HOXC5: variants seen among roughly 807,000 people sequenced by gnomAD.
HOXC5 encodes the protein homeobox C5.
In HOXC5, 19 loss-of-function variants were observed where a neutral mutation model predicts 20.1. The ratio of observed to expected loss-of-function variants is 0.94; its 90% CI spans 0.66 to 1.38. HOXC5 has a LOEUF of 1.38. HOXC5 is among the 40% of genes most tolerant of loss of function. HOXC5 has a pLI of 0.00. For synonymous variants in HOXC5, 124 were observed against 117.0 expected, an observed-to-expected ratio of 1.06 and a Z score of -0.39; for missense variants, 330 against 300.1, an observed-to-expected ratio of 1.10 and a Z score of -0.74.
chr12:54,033,392 A>T lies in HOXC5; in HGVS notation c.270A>T (p.Glu90Asp), dbSNP rs944503999. ...CGGGACACGCTCCGGGCAGAGACGA[A>T]GCGGCTCCTCTGAACCCCGGGATGT... ...AAPGHAPGRD[E>D]AAPLNPGMYS... The change falls in exon 1 of 2, where the codon GAA becomes GAT. Residue 90 changes from glutamate (E) to aspartate (D), a missense_variant. Physicochemically the swap from Glu to Asp is conservative, Grantham distance 45 (BLOSUM62 2). Coordinates refer to ENST00000312492, the MANE Select transcript of HOXC5 (RefSeq NM_018953.4). 1 of 1,612,630 alleles carries T rather than the reference A, an allele frequency of 6.2e-7. No individual in the cohort carries two copies. The highest frequency in any genetic ancestry group is 1.7e-5 in the Admixed American group (1 of 59,920).
intron 1 of HOXC5, chr12:54,033,992 A>C (rs1241480701): frequency 5.0e-6 from 3 of 599,528 alleles, no homozygotes; most frequent in Non-Finnish European, 9.6e-6. Flanking sequence ...TCGGATCTCG[A>C]GGGTGCTTAT....
chr12:54,032,596 G>A (rs1941026489), upstream of HOXC5, among the ~76,000 whole-genome samples: 1 of 152,194 alleles, frequency 6.6e-6, no homozygotes, highest in Non-Finnish European at 1.5e-5. Flanking sequence ...TGCGTTATAA[G>A]TGGGGCCTCG....
At position 54,033,393 on chromosome 12, in the gene HOXC5, G is replaced by A; in HGVS notation, c.271G>A (p.Ala91Thr). The A allele has an allele frequency of 6.2e-7, 1 of 1,612,568 alleles. No individual in the cohort carries two copies. The highest frequency in any genetic ancestry group is 1.1e-5 in the South Asian group (1 of 90,996). ...APGHAPGRDE[A>T]APLNPGMYSQ... is the part of the protein sequence containing the mutation. Reference sequence around the variant, plus strand: ...GGGACACGCTCCGGGCAGAGACGAAGCGGCTCCTCTGAACCCCGGGATGTA... The same window carrying A: ...GGGACACGCTCCGGGCAGAGACGAAACGGCTCCTCTGAACCCCGGGATGTA... The change falls in exon 1 of 2, where the codon GCG (alanine) becomes ACG (threonine). Residue 91 changes from alanine (A) to threonine (T), a missense_variant. Transcript: ENST00000312492.
At chr12:54,025,240 CTGA>C in the HOXC5 span, among the ~76,000 whole-genome samples, 1 of 152,106 alleles carries the variant, frequency 6.6e-6, no homozygotes, top group African/African-American at 2.4e-5. Flanking sequence ...CTTGCTTCTG[CTGA>C]TGAGTTTCCA....
At chr12:54,034,254 C>T (rs200056869) in intron 1 of HOXC5, 24 bp from the exon 2 acceptor site, 2 of 1,595,652 alleles carry the variant, frequency 1.3e-6, no homozygotes, top group Admixed American at 1.7e-5. Flanking sequence ...CCCTTCCTGG[C>T]TTGGGGTGGG....
rs1941138185 is a variant in HOXC5 at position 54,034,770 on chromosome 12, G to C, written c.*278G>C. ...CCGCAGGACTTCCCCGGAGGGCTGCGGCGTACAGGCTGGCGCAGAACGAAC... is the reference window on the plus strand; with the variant it reads ...CCGCAGGACTTCCCCGGAGGGCTGCCGCGTACAGGCTGGCGCAGAACGAAC... On this transcript the variant is annotated 3_prime_UTR_variant, in exon 2 of 2. Transcript: ENST00000312492. 4.5e-6 allele frequency: 2 copies of C among 448,558 alleles called. No individual in the cohort carries two copies. The highest frequency in any genetic ancestry group is 2.2e-5 in the South Asian group (1 of 45,494). 27.8% of individuals were successfully genotyped at this position (448,558 alleles called of 1,614,324 possible). A position where few individuals can be genotyped will look rare whatever the true frequency, so the allele number is the denominator to read the frequency against.
At chr12:54,034,098 G>A in intron 1 of HOXC5, 180 bp from the exon 2 acceptor site, 2 of 724,370 alleles carry the variant, frequency 2.8e-6, no homozygotes, top group Non-Finnish European at 5.1e-6. Context: ...TTCCTGCCTG[G>A]GCGGAGGCGC....
intron 1 of HOXC5, chr12:54,034,014 A>C: frequency 1.5e-6 from 1 of 664,458 alleles, no homozygotes; most frequent in Non-Finnish European, 2.8e-6. Context: ...GTTCGGTCCG[A>C]GCCTGGGTCT....
At chr12:54,031,639 G>A (rs1405555897), upstream of HOXC5, among the ~76,000 whole-genome samples, 2 of 152,144 alleles carry the variant, frequency 1.3e-5, no homozygotes, top group Admixed American at 1.3e-4. Context: ...GTCTCCGGAG[G>A]GAAAAAATCC....
chr12:54,033,688 A>T (rs1337432181), intron 1 of HOXC5, 112 bp downstream of exon 1: 2 of 922,412 alleles, frequency 2.2e-6, no homozygotes, highest in Non-Finnish European at 3.2e-6. Context: ...TCCAGGCATC[A>T]ATGGCTCGTA....
upstream of HOXC5, chr12:54,028,658 A>C (rs79558505): frequency 1.2e-6 from 2 of 1,614,136 alleles, no homozygotes; most frequent in Non-Finnish European, 1.7e-6. Flanking sequence ...GCCGTTGCCC[A>C]GAACCGGATC....
the HOXC5 span, among the ~76,000 whole-genome samples, chr12:54,023,483 T>C: frequency 6.6e-6 from 1 of 152,096 alleles, no homozygotes; most frequent in African/African-American, 2.4e-5. Context: ...TCCGTTTAAT[T>C]GTAATAAAGC....
At chr12:54,026,984 CT>C in the HOXC5 span, among the ~76,000 whole-genome samples, 1 of 147,228 alleles carries the variant, frequency 6.8e-6, no homozygotes, top group Non-Finnish European at 1.5e-5. Flanking sequence ...GGGATATGAG[CT>C]TTCTCTGCTC....
Position 54,033,357 on chromosome 12 carries a change from GCGGC to G in HOXC5, c.238_241del (p.Ala80LeufsTer14), listed in dbSNP as rs753227604. 3.1e-6 allele frequency: 5 copies of G among 1,612,762 alleles called. No homozygotes were observed. Among genetic ancestry groups the G allele is most frequent in the Non-Finnish European group, 4.2e-6 (5 of 1,179,422 alleles). ...CCCCGACCGCCCCGCCTGCAGCGCCGCGGCCGCTCCGGGACACGCTCCGGGCAGA... is the reference window on the plus strand; with the variant it reads ...CCCCGACCGCCCCGCCTGCAGCGCCGCGCTCCGGGACACGCTCCGGGCAGA... On this transcript the variant is annotated frameshift_variant, in exon 1 of 2. Coordinates refer to ENST00000312492, the MANE Select transcript of HOXC5 (RefSeq NM_018953.4). LOFTEE classifies it high-confidence loss of function.
the HOXC5 span, among the ~76,000 whole-genome samples, chr12:54,027,036 A>G: frequency 2.0e-5 from 3 of 150,720 alleles, no homozygotes; most frequent in Non-Finnish European, 4.4e-5. Flanking sequence ...AACTCAAGGC[A>G]TTTTCAGCCT....
At position 54,034,382 on chromosome 12, in the gene HOXC5, G is replaced by A; in HGVS notation, c.559G>A (p.Glu187Lys). 6.2e-7 allele frequency: 1 copy of A among 1,614,144 alleles called. No individual in the cohort carries two copies. The stretch of plus-strand genomic sequence containing the variant: ...CTACCTCACTCGCCGCAGGCGCATA[G>A]AGATCGCCAACAACTTGTGTCTCAA... Reference protein sequence around the residue: ...NRYLTRRRRIEIANNLCLNER... With the variant: ...NRYLTRRRRIKIANNLCLNER... Residue 187 changes from glutamate (E) to lysine (K), a missense_variant, in exon 2 of 2, where the codon GAG becomes AAG. Glu to Lys is a moderately conservative substitution (Grantham distance 56). Transcript: ENST00000312492.
the HOXC5 span, among the ~76,000 whole-genome samples, chr12:54,018,536 G>A: frequency 6.6e-6 from 1 of 152,234 alleles, no homozygotes; most frequent in Non-Finnish European, 1.5e-5. Flanking sequence ...GGTGCTAATG[G>A]CCTGTTGTAT....
At chr12:54,025,696 C>CCT in the HOXC5 span, among the ~76,000 whole-genome samples, 9 of 152,092 alleles carry the variant, frequency 5.9e-5, no homozygotes, top group Admixed American at 5.9e-4. Flanking sequence ...CAGTCTCTGC[C>CCT]CTCTGTTTAG....
At position 54,033,471 on chromosome 12, in the gene HOXC5, G is replaced by C. The variant is rs1352181159; in HGVS notation, c.349G>C (p.Glu117Gln). ...GGAGGAGCGAGCTAAGAGCAGTGGG[G>C]AGATCAAAGAGGAGCAGGCGCAGAC... ...ALEERAKSSG[E>Q]IKEEQAQTGQ... The change falls in exon 1 of 2, where the codon GAG (glutamate) becomes CAG (glutamine). Residue 117 changes from glutamate to glutamine, a missense_variant. By Grantham distance (29) the Glu-to-Gln change is conservative. Transcript: ENST00000312492. 2.5e-6 allele frequency: 4 copies of C among 1,597,190 alleles called. No individual in the cohort carries two copies. Among genetic ancestry groups the C allele is most frequent in the African/African-American group, 1.3e-5 (1 of 74,750 alleles).
Sources: allele counts gnomAD v4.1 joint callset (sites outside exome capture counted in the v4.1 genomes callset), GRCh38; gene constraint gnomAD v4.1.1; transcripts MANE v1.5; gene names NCBI Gene and HGNC (gene_info 2026-07-23, HGNC 2026-07-21).